The following BNC2 variants were observed in gnomAD, a reference collection of about 807,000 sequenced individuals.
BNC2 encodes basonuclin zinc finger protein 2, also known as zinc finger protein basonuclin-2.
Under a neutral mutation model 76.3 loss-of-function variants are expected in BNC2, and 20 were observed. The ratio of observed to expected loss-of-function variants is 0.26; its 90% confidence interval spans 0.18 to 0.38. BNC2 has a LOEUF of 0.38. BNC2 is among the 10% of genes least tolerant of loss of function. The pLI is 1.00. For missense variants in BNC2, 1,382 were observed against 1,399.8 expected, an observed-to-expected ratio of 0.99 and a Z score of 0.20; for synonymous variants, 582 against 514.8, an observed-to-expected ratio of 1.13 and a Z score of -1.77.
chr9:16,471,836 CAT>C (rs1392836140), intron 5 of BNC2, among the ~76,000 whole-genome samples: 3 of 152,090 alleles, frequency 2.0e-5, no homozygotes, highest in Non-Finnish European at 4.4e-5. Flanking sequence ...AGAATTCCCA[CAT>C]GTTGTAGGAG....
At chr9:16,643,864 T>C (rs1357848124) in intron 3 of BNC2, among the ~76,000 whole-genome samples, 1 of 152,152 alleles carries the variant, frequency 6.6e-6, no homozygotes, top group Non-Finnish European at 1.5e-5. Context: ...ACAGCTGTCT[T>C]CAGCACAATT....
rs1820027596 is a variant in BNC2, at chr9:16,595,003, A to G, written c.331-11918T>C. Among the ~76,000 whole-genome samples, 5 of 152,314 alleles carry G rather than the reference A, an allele frequency of 3.3e-5. No homozygotes were observed. In the South Asian group the frequency reaches 1.0e-3, roughly 32 times the overall value. On this transcript the variant is annotated intron_variant, in intron 3 of 6. Coordinates refer to ENST00000380672, the MANE Select transcript of BNC2 (RefSeq NM_017637.6). ...AGCAACTTGAAAAGTGAAAATGCTA[A>G]GTAAGCAGTTAACCATATATACTAG...
At chr9:16,482,642 C>T (rs549462038) in intron 5 of BNC2, among the ~76,000 whole-genome samples, 8 of 151,470 alleles carry the variant, frequency 5.3e-5, no homozygotes, top group African/African-American at 1.5e-4. Flanking sequence ...ACCCCACAGC[C>T]GGCAGATAAT....
At chr9:16,764,309 C>T (rs148541128) in intron 1 of BNC2, among the ~76,000 whole-genome samples, 90 of 152,286 alleles carry the variant, frequency 5.9e-4, no homozygotes, top group African/African-American at 1.9e-3. Context: ...GAAACAGAGT[C>T]TATGCACGGC....
chr9:16,438,904 C>T (rs371028491), intron 5 of BNC2, among the ~76,000 whole-genome samples: 4 of 152,080 alleles, frequency 2.6e-5, no homozygotes, highest in East Asian at 1.9e-4. Flanking sequence ...TATGGTTTGG[C>T]TGTGTCCCCA....
intron 3 of BNC2, among the ~76,000 whole-genome samples, chr9:16,586,972 G>C (rs1819790055): frequency 6.6e-6 from 1 of 152,110 alleles, no homozygotes; most frequent in Non-Finnish European, 1.5e-5. Flanking sequence ...TATAATAATA[G>C]CTAGATGTAT....
At position 16,412,897 on chromosome 9, in the gene BNC2, G is replaced by C. The variant is rs1463526651; in HGVS notation, c.*6092C>G. The C allele has an allele frequency of 6.6e-6, 1 of 152,634 alleles. No individual in the cohort carries two copies. Among genetic ancestry groups the C allele is most frequent in the African/African-American group, 2.4e-5 (1 of 41,456 alleles). 9.5% of individuals were successfully genotyped at this position (152,634 alleles called of 1,614,324 possible). On this transcript the variant is annotated 3_prime_UTR_variant, in exon 7 of 7. Coordinates refer to ENST00000380672, the MANE Select transcript of BNC2 (RefSeq NM_017637.6). ...CTTTTATATTTGATGGCCAAGTGCT[G>C]AACTGGAAAGCACACTATTAGTTTG...
chr9:16,596,881 A>G (rs1275548092), intron 3 of BNC2, among the ~76,000 whole-genome samples: 2 of 152,160 alleles, frequency 1.3e-5, no homozygotes, highest in Non-Finnish European at 2.9e-5. Context: ...ATGGCAACGA[A>G]GAAAAGCAGA....
At chr9:16,793,105 TATAACAACAGG>T (rs1159800022) in intron 1 of BNC2, among the ~76,000 whole-genome samples, 1 of 152,208 alleles carries the variant, frequency 6.6e-6, no homozygotes, top group African/African-American at 2.4e-5. Context: ...ACAGCTTTAA[TATAACAACAGG>T]ATTGTCAACA....
chr9:16,604,574 A>G (rs1820327985), intron 3 of BNC2, among the ~76,000 whole-genome samples: 1 of 152,128 alleles, frequency 6.6e-6, no homozygotes. Context: ...AGCTGGGTGG[A>G]TCACTTGAGG....
intron 3 of BNC2, among the ~76,000 whole-genome samples, chr9:16,646,284 T>A (rs1392272074): frequency 1.3e-5 from 2 of 152,148 alleles, no homozygotes; most frequent in African/African-American, 2.4e-5. Flanking sequence ...AAAGTGAAAG[T>A]CTGATGACAG....
At chr9:16,531,154 G>C (rs960041901) in intron 5 of BNC2, among the ~76,000 whole-genome samples, 1 of 152,166 alleles carries the variant, frequency 6.6e-6, no homozygotes, top group Non-Finnish European at 1.5e-5. Context: ...ATTTCTGGCA[G>C]TGTTAAACAC....
intron 5 of BNC2, among the ~76,000 whole-genome samples, chr9:16,545,284 G>A (rs1394442780): frequency 2.6e-5 from 4 of 152,140 alleles, no homozygotes; most frequent in Non-Finnish European, 5.9e-5. Context: ...AAATCATCAG[G>A]TTGGCAGTAG....
chr9:16,773,542 G>A (rs1408426721), intron 1 of BNC2, among the ~76,000 whole-genome samples: 1 of 150,706 alleles, frequency 6.6e-6, no homozygotes, highest in African/African-American at 2.4e-5. Context: ...GAGGGACAGT[G>A]CAATAATAAT....
chr9:16,445,584 A>G (rs1227463085), intron 5 of BNC2, among the ~76,000 whole-genome samples: 3 of 152,142 alleles, frequency 2.0e-5, no homozygotes, highest in Non-Finnish European at 4.4e-5. Context: ...GAATTTCTCA[A>G]CAGCATCCCT....
intron 1 of BNC2, among the ~76,000 whole-genome samples, chr9:16,866,758 G>T (rs528119140): frequency 3.8e-4 from 58 of 151,402 alleles, no homozygotes; most frequent in African/African-American, 1.4e-3. Context: ...ACATTCTGAT[G>T]GCCAGAGTGT....
At chr9:16,633,828 T>A (rs1042318220) in intron 3 of BNC2, among the ~76,000 whole-genome samples, 1 of 152,202 alleles carries the variant, frequency 6.6e-6, no homozygotes, top group African/African-American at 2.4e-5. Flanking sequence ...TTAAAGAAGA[T>A]TCTTCAATCA....
intron 3 of BNC2, among the ~76,000 whole-genome samples, chr9:16,652,192 G>A (rs1454226354): frequency 6.6e-6 from 1 of 152,122 alleles, no homozygotes; most frequent in Non-Finnish European, 1.5e-5. Flanking sequence ...GAAATATTTA[G>A]AATCAACATA....
Position 16,436,943 on chromosome 9 carries a change from A to G in BNC2, c.1251T>C (p.Thr417=), listed in dbSNP as rs1821028457. 6.2e-7 allele frequency: 1 copy of G among 1,614,066 alleles called. No individual in the cohort carries two copies. Among genetic ancestry groups the G allele is most frequent in the Middle Eastern group, 1.6e-4 (1 of 6,062 alleles). The change falls in exon 6 of 7, where the codon ACT becomes ACC. Residue 417 remains threonine, a synonymous_variant. Coordinates refer to ENST00000380672, the MANE Select transcript of BNC2 (RefSeq NM_017637.6). The stretch of plus-strand genomic sequence containing the variant: ...TCCGGAATGAGCTTTTTGGGTGTTC[A>G]GTTTTGGTTAGATCACTGACTGGGG... The part of the protein sequence containing the change: ...NSAPVSDLTK[T]EHPKSSFRIH...
Sources: gnomAD v4.1 joint callset for allele counts (sites outside exome capture counted in the v4.1 genomes callset) on GRCh38, gnomAD v4.1.1 for gene constraint, MANE v1.5 for transcripts, NCBI Gene and HGNC (gene_info 2026-07-23, HGNC 2026-07-21) for gene names.